The following AKAP1 variants were observed in gnomAD, a reference collection of about 807,000 sequenced individuals.
AKAP1 encodes A-kinase anchor protein 1, mitochondrial.
Under a neutral mutation model 79.8 loss-of-function variants are expected in AKAP1, and 32 were observed. The ratio of observed to expected loss-of-function variants is 0.40; its 90% confidence interval spans 0.30 to 0.54. The LOEUF (loss-of-function observed/expected upper bound fraction) is 0.54. AKAP1 is among the 20% of genes least tolerant of loss of function. AKAP1 has a pLI of 0.47. For missense variants in AKAP1, 961 were observed against 1,138.9 expected (o/e 0.84, Z 2.25); for synonymous variants, 416 against 466.7 (o/e 0.89, Z 1.40).
At chr17:57,103,101 T>C (rs979468036) in intron 1 of AKAP1, among the ~76,000 whole-genome samples, 2 of 152,138 alleles carry the variant, frequency 1.3e-5, no homozygotes, top group African/African-American at 4.8e-5. Context: ...GTTCTGTGTT[T>C]GAATGTGAAG....
intron 4 of AKAP1, 142 bp from the exon 5 acceptor site, chr17:57,112,349 C>A: frequency 3.1e-6 from 3 of 968,854 alleles, no homozygotes; most frequent in East Asian, 2.5e-5. Flanking sequence ...TAAAGCAGAG[C>A]TTAAGTGTTT....
At chr17:57,118,871 C>T (rs1472190336) in intron 9 of AKAP1, 111 bp from the exon 10 acceptor site, 1 of 1,205,534 alleles carries the variant, frequency 8.3e-7, no homozygotes, top group Non-Finnish European at 1.2e-6. Flanking sequence ...AATCACCTCC[C>T]ACCAGGTCTC....
chr17:57,119,830 C>CTTTTTTTTTTTTGTTTTTTTTTT (rs1915811656), intron 10 of AKAP1, among the ~76,000 whole-genome samples: 1 of 70,290 alleles, frequency 1.4e-5, no homozygotes, highest in Non-Finnish European at 2.5e-5. Flanking sequence ...CCCTGTTACT[C>CTTTTTTTTTTTTGTTTTTTTTTT]TTTTTTTTTT....
At position 57,098,760 on chromosome 17, in the gene AKAP1, ATT is replaced by A. The variant is rs1170190519; in HGVS notation, c.-24-6663_-24-6662del. Among the ~76,000 whole-genome samples, 176 of 122,852 alleles carry A rather than the reference ATT, an allele frequency of 1.4e-3. 2 individuals are homozygous for A. The highest frequency in any genetic ancestry group is 8.9e-3 in the Middle Eastern group (2 of 224). The allele number at this position is 122,852 out of a possible 152,430, so 80.6% of individuals were successfully genotyped here. ...GGGTGAGGGAGTGAGGGGCTAGCTG[ATT>A]TTTTTTTTTTTTTTTTTGAGACGGA... On this transcript the variant is annotated intron_variant, in intron 1 of 10. Coordinates refer to ENST00000337714, the MANE Select transcript of AKAP1 (RefSeq NM_003488.4).
intron 1 of AKAP1, among the ~76,000 whole-genome samples, chr17:57,091,752 G>A (rs770503439): frequency 4.6e-5 from 7 of 151,940 alleles, no homozygotes; most frequent in South Asian, 2.1e-4. Flanking sequence ...ACAGTGGCTC[G>A]ATCATAGCTC....
At chr17:57,087,855 C>T (rs1174930076) in intron 1 of AKAP1, among the ~76,000 whole-genome samples, 2 of 152,238 alleles carry the variant, frequency 1.3e-5, no homozygotes, top group Non-Finnish European at 2.9e-5. Flanking sequence ...GAGCAGGCAG[C>T]TTGTAGCCAA....
chr17:57,090,857 A>C (rs1345516012), intron 1 of AKAP1, among the ~76,000 whole-genome samples: 1 of 152,226 alleles, frequency 6.6e-6, no homozygotes, highest in East Asian at 1.9e-4. Flanking sequence ...GAGCTGATTG[A>C]AAAAGACAAT....
intron 10 of AKAP1, among the ~76,000 whole-genome samples, chr17:57,119,380 A>G (rs1172217016): frequency 1.3e-5 from 2 of 152,104 alleles, no homozygotes; most frequent in East Asian, 1.9e-4. Flanking sequence ...TCTGTCCTCT[A>G]TCTTATGGTA....
chr17:57,117,216 A>T (rs1915640372), intron 8 of AKAP1, among the ~76,000 whole-genome samples: 1 of 152,196 alleles, frequency 6.6e-6, no homozygotes, highest in Admixed American at 6.5e-5. Flanking sequence ...TATAGTCCAG[A>T]CCCAGAGTCT....
chr17:57,090,963 G>T (rs868485171), intron 1 of AKAP1, among the ~76,000 whole-genome samples: 3 of 152,294 alleles, frequency 2.0e-5, no homozygotes, highest in Middle Eastern at 6.8e-3. Flanking sequence ...GCAGTAGCTG[G>T]CCTCCTGATT....
chr17:57,106,657 T>C lies in AKAP1; in HGVS notation c.1193T>C (p.Leu398Ser), dbSNP rs1279515414. The change falls in exon 2 of 11, where the codon TTG becomes TCG. Residue 398 changes from leucine to serine, a missense_variant. By Grantham distance (145) the Leu-to-Ser change is moderately radical. Around this residue, in one of 3 missense-constraint regions of AKAP1, gnomAD observed 629 missense variants for 781.1 expected, o/e 0.81. Coordinates refer to ENST00000337714, the MANE Select transcript of AKAP1 (RefSeq NM_003488.4). ...GTCCCAGTTCACCAGAAAACTGTCT[T>C]GGGCCCAGACACTGCGGAGCCTGCC... ...SCVPVHQKTV[L>S]GPDTAEPATA... 2 of 1,613,954 alleles carry C rather than the reference T, an allele frequency of 1.2e-6. No individual in the cohort carries two copies. The highest frequency in any genetic ancestry group is 2.7e-5 in the African/African-American group (2 of 74,900).
At chr17:57,098,735 G>C (rs1438762360) in intron 1 of AKAP1, among the ~76,000 whole-genome samples, 1 of 151,810 alleles carries the variant, frequency 6.6e-6, no homozygotes, top group Non-Finnish European at 1.5e-5. Context: ...AGTGGCTCAG[G>C]GGTGAGGGAG....
intron 10 of AKAP1, among the ~76,000 whole-genome samples, chr17:57,119,739 A>C (rs539918454): frequency 6.6e-6 from 1 of 151,424 alleles, no homozygotes; most frequent in Admixed American, 6.6e-5. Flanking sequence ...AAAACAAAAA[A>C]ACCCTATCCT....
chr17:57,117,904 G>T (rs1022247395), intron 8 of AKAP1, among the ~76,000 whole-genome samples: 2 of 152,112 alleles, frequency 1.3e-5, no homozygotes, highest in Admixed American at 1.3e-4. Context: ...GGCCTTATTG[G>T]GCTGTGTGGC....
At chr17:57,116,024 A>G (rs1219382548) in intron 6 of AKAP1, 87 bp from the exon 7 acceptor site, 1 of 1,494,926 alleles carries the variant, frequency 6.7e-7, no homozygotes, top group Non-Finnish European at 9.0e-7. Flanking sequence ...TCTGAGAGGT[A>G]ACGCAGGGAG....
intron 1 of AKAP1, among the ~76,000 whole-genome samples, chr17:57,100,986 A>G (rs1914472777): frequency 6.6e-6 from 1 of 152,108 alleles, no homozygotes; most frequent in African/African-American, 2.4e-5. Flanking sequence ...CCAAGATCAC[A>G]CCATTGCCCT....
Position 57,114,581 on chromosome 17 carries a change from G to T in AKAP1, c.2226G>T (p.Gln742His). The change falls in exon 6 of 11, where the codon CAG becomes CAT. Residue 742 changes from glutamine (Q) to histidine (H), a missense_variant. Gln to His is a conservative substitution (Grantham distance 24). Coordinates refer to ENST00000337714, the MANE Select transcript of AKAP1 (RefSeq NM_003488.4). ...ACGCGCTGCGCAGCCTCGACCAGCA[G>T]ATGTACCTCTGTTACTCTCAGCCTG... ...TFHALRSLDQ[Q>H]MYLCYSQPGI... The T allele has an allele frequency of 6.2e-7, 1 of 1,614,204 alleles. No homozygotes were observed. Among genetic ancestry groups the T allele is most frequent in the Non-Finnish European group, 8.5e-7 (1 of 1,180,042 alleles).
At chr17:57,119,340 C>T (rs1438441074) in intron 10 of AKAP1, among the ~76,000 whole-genome samples, 1 of 152,158 alleles carries the variant, frequency 6.6e-6, no homozygotes, top group Admixed American at 6.5e-5. Context: ...CTGTGCGAGA[C>T]TTTCTGGGAC....
In AKAP1 at chr17:57,110,133, T is replaced by C; in HGVS notation, c.1823T>C (p.Ile608Thr). The C allele has an allele frequency of 1.2e-6, 2 of 1,614,040 alleles. No homozygotes were observed. Among genetic ancestry groups the C allele is most frequent in the Non-Finnish European group, 1.7e-6 (2 of 1,179,972 alleles). Residue 608 changes from isoleucine (I) to threonine (T), a missense_variant, in exon 3 of 11, where the codon ATC becomes ACC. By Grantham distance (89) the Ile-to-Thr change is moderately conservative (BLOSUM62 -1). This residue lies in a region of AKAP1 where 629 missense variants were observed against 781.1 expected (regional missense o/e 0.81). Transcript: ENST00000337714. ...TCCAACCCTAAGAAGGTCGACCTCA[T>C]CATCTGGGAGATCGAGGTGCCAAAG... Reference protein sequence around the residue: ...AGSNPKKVDLIIWEIEVPKHL... With the variant: ...AGSNPKKVDLTIWEIEVPKHL...
Sources: gnomAD v4.1 joint callset for allele counts (sites outside exome capture counted in the v4.1 genomes callset) on GRCh38, gnomAD v4.1.1 for gene constraint, gnomAD v4.1.1 regional missense constraint, MANE v1.5 for transcripts, NCBI Gene and HGNC (gene_info 2026-07-23, HGNC 2026-07-21) for gene names.